Variants in UGT1A8 observed in about 807,000 individuals in gnomAD.
UGT1A8 encodes UDP glucuronosyltransferase family 1 member A8.
Under a neutral mutation model 45.3 loss-of-function variants are expected in UGT1A8, and 39 were observed. The observed-to-expected ratio is 0.86, with a 90% confidence interval of 0.67 to 1.12. UGT1A8 has a LOEUF of 1.12. Among genes scored for constraint, UGT1A8 ranks in the 50% most tolerant of loss-of-function variants. The pLI is 0.00. For synonymous variants in UGT1A8, 275 were observed against 249.2 expected (o/e 1.10, Z -0.97); for missense variants, 719 against 664.9 (o/e 1.08, Z -0.90).
intron 1 of UGT1A8, among the ~76,000 whole-genome samples, chr2:233,634,600 G>A (rs1477916619): frequency 3.3e-5 from 5 of 152,038 alleles, no homozygotes; most frequent in African/African-American, 1.2e-4. Context: ...TTTAAAGTCT[G>A]TTTTTATCAG....
chr2:233,635,333 T>G (rs1334498176), intron 1 of UGT1A8, among the ~76,000 whole-genome samples: 1 of 150,924 alleles, frequency 6.6e-6, no homozygotes, highest in Non-Finnish European at 1.5e-5. Flanking sequence ...GTTTCCTGAA[T>G]TTGAATGTTG....
chr2:233,665,702 C>T (rs929083091), intron 1 of UGT1A8, among the ~76,000 whole-genome samples: 1 of 152,058 alleles, frequency 6.6e-6, no homozygotes, highest in Non-Finnish European at 1.5e-5. Flanking sequence ...TGCATCCCTA[C>T]CAGATAGGGA....
chr2:233,682,018 G>C (rs1181278614), intron 1 of UGT1A8: 3 of 1,614,020 alleles, frequency 1.9e-6, no homozygotes, highest in East Asian at 4.5e-5. Flanking sequence ...AGGCAGGGAA[G>C]CTGCTGGTAG....
chr2:233,635,775 A>G (rs1256787280), intron 1 of UGT1A8, among the ~76,000 whole-genome samples: 1 of 150,988 alleles, frequency 6.6e-6, no homozygotes, highest in Admixed American at 6.6e-5. Context: ...TTTAGAATAT[A>G]GAAGTAGAGC....
At chr2:233,636,646 C>A in intron 1 of UGT1A8, 2 of 1,614,100 alleles carry the variant, frequency 1.2e-6, no homozygotes, top group African/African-American at 1.3e-5. Context: ...GTTCACCATG[C>A]AGTCGGTGGT....
intron 1 of UGT1A8, chr2:233,717,713 A>T: frequency 2.4e-5 from 11 of 453,290 alleles, no homozygotes; most frequent in South Asian, 1.7e-4. Flanking sequence ...GACGAGCCTC[A>T]TGGGCATGAG....
intron 1 of UGT1A8, among the ~76,000 whole-genome samples, chr2:233,732,820 C>G (rs1332712556): frequency 2.1e-5 from 3 of 141,934 alleles, no homozygotes; most frequent in Non-Finnish European, 4.5e-5. Context: ...TCCATATGAA[C>G]TTTAAAGTAG....
At chr2:233,632,910 A>C (rs542382693) in intron 1 of UGT1A8, among the ~76,000 whole-genome samples, 1 of 152,156 alleles carries the variant, frequency 6.6e-6, no homozygotes, top group Admixed American at 6.5e-5. Flanking sequence ...ATCTTGTGCC[A>C]GTTTTCAAAG....
intron 1 of UGT1A8, among the ~76,000 whole-genome samples, chr2:233,695,130 C>CTTTTTTTT (rs71398796): frequency 7.2e-6 from 1 of 138,840 alleles, no homozygotes; most frequent in Admixed American, 7.1e-5. Flanking sequence ...CTTTTCTTTT[C>CTTTTTTTT]TTTTTTTTTT....
intron 1 of UGT1A8, among the ~76,000 whole-genome samples, chr2:233,670,147 A>G (rs1395767311): frequency 6.6e-6 from 1 of 152,254 alleles, no homozygotes; most frequent in Non-Finnish European, 1.5e-5. Flanking sequence ...AGAAAATGTT[A>G]TTAAGAAAAT....
At chr2:233,719,543 A>G (rs756254321) in intron 1 of UGT1A8, 16 of 1,613,668 alleles carry the variant, frequency 9.9e-6, no homozygotes, top group Non-Finnish European at 8.5e-6. Flanking sequence ...TTTTTCAGAG[A>G]GAGGTGTCAG....
chr2:233,651,830 A>T (rs528601133), intron 1 of UGT1A8, among the ~76,000 whole-genome samples: 136 of 152,302 alleles, frequency 8.9e-4, no homozygotes, highest in Middle Eastern at 3.4e-3. Context: ...CACATGTGTC[A>T]GCATGCAGTG....
intron 1 of UGT1A8, among the ~76,000 whole-genome samples, chr2:233,661,623 TTTTC>T (rs55749169): frequency 0.061 from 7,523 of 123,854 alleles, 251 homozygotes; most frequent in Middle Eastern, 0.12. Flanking sequence ...ACTTACTGAA[TTTTC>T]TTTCTTTCTT....
chr2:233,725,276 A>AGAGGAGGCAGAGGCAGAG (rs1178808521), intron 1 of UGT1A8, among the ~76,000 whole-genome samples: 1 of 47,620 alleles, frequency 2.1e-5, no homozygotes, highest in Non-Finnish European at 4.2e-5. Flanking sequence ...AGGCAGAGGC[A>AGAGGAGGCAGAGGCAGAG]GAGGCAGAGG....
chr2:233,733,236 C>T (rs982888781), intron 1 of UGT1A8, among the ~76,000 whole-genome samples: 9 of 152,278 alleles, frequency 5.9e-5, no homozygotes, highest in African/African-American at 2.2e-4. Context: ...TCTAAATATA[C>T]AATCATGTCA....
In UGT1A8 at chr2:233,769,728, G is replaced by A. The variant is rs1027354407; in HGVS notation, c.1295+1289G>A. The stretch of plus-strand genomic sequence containing the variant: ...ATGTTGGCTAGGCACCATGGCACAC[G>A]CCTGTAGTCCCAGCCACTCTGGAGG... On this transcript the variant is annotated intron_variant, in intron 4 of 4. Coordinates refer to ENST00000373450, the MANE Select transcript of UGT1A8 (RefSeq NM_019076.5). This position sits in a 1 kb window ranked among gnomAD's most constrained non-coding sequence, Gnocchi z 4.4. The A allele has an allele frequency of 4.6e-5, 67 of 1,472,430 alleles. No homozygotes were observed. The highest frequency in any genetic ancestry group is 5.8e-5 in the Non-Finnish European group (64 of 1,110,636). 91.2% of individuals were successfully genotyped at this position (1,472,430 alleles called of 1,614,324 possible). A position where few individuals can be genotyped will look rare whatever the true frequency, so the allele number is the denominator to read the frequency against.
At chr2:233,666,162 G>A (rs2074071928) in intron 1 of UGT1A8, among the ~76,000 whole-genome samples, 1 of 152,172 alleles carries the variant, frequency 6.6e-6, no homozygotes, top group South Asian at 2.1e-4. Context: ...AGAAAAAGGA[G>A]GCAGGTGCCA....
intron 1 of UGT1A8, among the ~76,000 whole-genome samples, chr2:233,661,701 CTGG>C (rs1327523782): frequency 3.5e-5 from 3 of 86,734 alleles, no homozygotes; most frequent in Non-Finnish European, 7.2e-5. Flanking sequence ...AGGTCCTTAT[CTGG>C]ATTCTTTTTT....
At chr2:233,707,694 T>C (rs28899183) in intron 1 of UGT1A8, among the ~76,000 whole-genome samples, 3,269 of 152,332 alleles carry the variant, frequency 0.021, 116 homozygotes, top group African/African-American at 0.073. Context: ...CTTTGGGTTG[T>C]ATCTAGCTTT....
Sources: gnomAD v4.1 joint callset for allele counts (sites outside exome capture counted in the v4.1 genomes callset) on GRCh38, gnomAD v4.1.1 for gene constraint, Gnocchi (gnomAD v3.1) non-coding constraint, MANE v1.5 for transcripts, NCBI Gene and HGNC (gene_info 2026-07-23, HGNC 2026-07-21) for gene names.